The following GFOD1 variants were observed in gnomAD, a reference collection of about 807,000 sequenced individuals.
The protein encoded by GFOD1 is glucose-fructose oxidoreductase domain-containing protein 1.
GFOD1 carries 9 observed loss-of-function variants against 25.4 expected under a neutral mutation model. That is an observed-to-expected ratio of 0.35 (90% CI 0.21 to 0.62). The LOEUF is 0.62. GFOD1 is among the 20% of genes least tolerant of loss of function. The probability of loss-of-function intolerance (pLI) is 0.72; values close to 1 mark genes in which losing one functional copy is unlikely to be tolerated. For missense variants in GFOD1, 403 were observed against 556.9 expected, an observed-to-expected ratio of 0.72 and a Z score of 2.78; for synonymous variants, 253 against 245.6, an observed-to-expected ratio of 1.03 and a Z score of -0.28.
intron 1 of GFOD1, among the ~76,000 whole-genome samples, chr6:13,396,548 C>A: frequency 6.6e-6 from 1 of 152,212 alleles, no homozygotes; most frequent in Non-Finnish European, 1.5e-5. Flanking sequence ...TGAATGTTTT[C>A]TTATAGAATG....
intron 1 of GFOD1, among the ~76,000 whole-genome samples, chr6:13,457,457 C>T (rs1489950716): frequency 6.6e-6 from 1 of 152,152 alleles, no homozygotes; most frequent in African/African-American, 2.4e-5. Flanking sequence ...TCCCTCTTAC[C>T]CCCAACCCAG....
At chr6:13,388,762 T>C (rs1785526803) in intron 1 of GFOD1, among the ~76,000 whole-genome samples, 1 of 151,948 alleles carries the variant, frequency 6.6e-6, no homozygotes, top group Non-Finnish European at 1.5e-5. Flanking sequence ...CATTGACAAA[T>C]GGGATCTAAT....
At chr6:13,461,215 C>A (rs1305926247) in intron 1 of GFOD1, among the ~76,000 whole-genome samples, 1 of 152,332 alleles carries the variant, frequency 6.6e-6, no homozygotes, top group East Asian at 1.9e-4. Context: ...TCCTTCACAG[C>A]CCTTGGTGGG....
chr6:13,476,669 A>C (rs984692437), intron 1 of GFOD1, among the ~76,000 whole-genome samples: 1 of 152,236 alleles, frequency 6.6e-6, no homozygotes, highest in African/African-American at 2.4e-5. Flanking sequence ...ATTGTGGAGT[A>C]ATTTATAGTT....
At chr6:13,383,254 C>T (rs1475339096) in intron 1 of GFOD1, among the ~76,000 whole-genome samples, 1 of 152,164 alleles carries the variant, frequency 6.6e-6, no homozygotes. Flanking sequence ...TTGTATTTTC[C>T]ACAACTACTT....
At position 13,430,623 on chromosome 6, in the gene GFOD1, A is replaced by G; in HGVS notation, c.253+56015T>C. On this transcript the variant is annotated intron_variant, in intron 1 of 1. Transcript: ENST00000379287. This position sits in a 1 kb window ranked among gnomAD's most constrained non-coding sequence, Gnocchi z 4.1. ...CCATAGAGACGGGCAGCTTGTGTAC[A>G]ATGGGGAAGACTTAATGAAAGAAGC... Among the ~76,000 whole-genome samples the G allele has an allele frequency of 6.6e-6, 1 of 152,080 alleles. No homozygotes were observed. The highest frequency in any genetic ancestry group is 2.1e-4 in the South Asian group (1 of 4,818).
rs527689120 is a variant in GFOD1 at position 13,433,631 on chromosome 6, C to G, written c.253+53007G>C. On this transcript the variant is annotated intron_variant, in intron 1 of 1. Transcript: ENST00000379287. ...AAAGGAGGACTTTCATGGAAGAAAG[C>G]CTTGAGGGGAGTTTTCATGTGGGGT... Among the ~76,000 whole-genome samples the G allele has an allele frequency of 1.9e-3, 287 of 152,238 alleles. 1 individual carries two copies. The highest frequency in any genetic ancestry group is 6.5e-3 in the African/African-American group (271 of 41,544).
intron 1 of GFOD1, among the ~76,000 whole-genome samples, chr6:13,458,392 A>C (rs2841567): frequency 0.89 from 134,620 of 152,088 alleles, 61,711 homozygotes; most frequent in Non-Finnish European, 1. Context: ...GCTGGGATTA[A>C]AAGCACAAGC....
At chr6:13,470,201 T>G in intron 1 of GFOD1, 3 of 1,589,372 alleles carry the variant, frequency 1.9e-6, no homozygotes, top group Non-Finnish European at 2.6e-6. Context: ...CGCATCTATC[T>G]GTAATCTTGA....
At chr6:13,383,780 C>T (rs753169820) in intron 1 of GFOD1, among the ~76,000 whole-genome samples, 5 of 152,238 alleles carry the variant, frequency 3.3e-5, no homozygotes, top group Non-Finnish European at 5.9e-5. Flanking sequence ...TCCACTTTGA[C>T]TTGCTTCTTC....
intron 1 of GFOD1, among the ~76,000 whole-genome samples, chr6:13,461,433 C>T (rs991405481): frequency 6.6e-6 from 1 of 152,202 alleles, no homozygotes; most frequent in African/African-American, 2.4e-5. Flanking sequence ...CTGGGGCTCC[C>T]AAGTCAACTA....
chr6:13,376,434 G>A lies in GFOD1; in HGVS notation c.254-10772C>T, dbSNP rs149785974. Among the ~76,000 whole-genome samples, 118 of 152,192 alleles carry A rather than the reference G, an allele frequency of 7.8e-4. 2 individuals carry two copies. The East Asian group carries it at 0.021, about 27-fold the overall frequency. ...TCTTGAGCCTACACCACCACTCCAC[G>A]CTTGGACAAGCCAGGATTCACAGTG... On this transcript the variant is annotated intron_variant, in intron 1 of 1. Coordinates refer to ENST00000379287, the MANE Select transcript of GFOD1 (RefSeq NM_018988.4).
At chr6:13,390,897 G>C (rs1243593281) in intron 1 of GFOD1, among the ~76,000 whole-genome samples, 1 of 152,176 alleles carries the variant, frequency 6.6e-6, no homozygotes, top group East Asian at 1.9e-4. Context: ...AAGCTACTTA[G>C]CACAGTGCCT....
chr6:13,408,854 G>A (rs1785994174), intron 1 of GFOD1, among the ~76,000 whole-genome samples: 1 of 151,946 alleles, frequency 6.6e-6, no homozygotes, highest in Non-Finnish European at 1.5e-5. Flanking sequence ...GGAGGTGGAG[G>A]TGGGTGGATC....
intron 1 of GFOD1, among the ~76,000 whole-genome samples, chr6:13,460,920 C>T (rs140437783): frequency 6.6e-6 from 1 of 152,264 alleles, no homozygotes; most frequent in African/African-American, 2.4e-5. Context: ...ACAGAGTTTG[C>T]CAATTTTTGC....
chr6:13,486,257 C>A lies in GFOD1; in HGVS notation c.253+381G>T, dbSNP rs28392827. ...TCCTCCACCCCCCCATCCCCCCCCC[C>A]CACACACACACACTTGGACACTACA... On this transcript the variant is annotated intron_variant, in intron 1 of 1. Coordinates refer to ENST00000379287, the MANE Select transcript of GFOD1 (RefSeq NM_018988.4). 4.9e-3 allele frequency: 1,349 copies of A among 277,448 alleles called. 39 individuals carry two copies. The highest frequency in any genetic ancestry group is 0.023 in the African/African-American group (777 of 34,318). 17.2% of individuals were successfully genotyped at this position (277,448 alleles called of 1,614,324 possible).
intron 1 of GFOD1, among the ~76,000 whole-genome samples, chr6:13,459,202 A>C (rs1213295396): frequency 6.6e-6 from 1 of 152,112 alleles, no homozygotes; most frequent in African/African-American, 2.4e-5. Context: ...AAATAAGACC[A>C]CACATTTCCA....
At chr6:13,393,091 C>T (rs1481541956) in intron 1 of GFOD1, among the ~76,000 whole-genome samples, 1 of 151,722 alleles carries the variant, frequency 6.6e-6, no homozygotes, top group African/African-American at 2.4e-5. Context: ...TGTGGTGGCT[C>T]ATGTCTGTAA....
chr6:13,404,663 A>G (rs114627066), intron 1 of GFOD1, among the ~76,000 whole-genome samples: 17 of 152,358 alleles, frequency 1.1e-4, no homozygotes, highest in African/African-American at 4.1e-4. Context: ...TCTTAGCAAA[A>G]GAACATGTGA....
Sources: gnomAD v4.1 joint callset for allele counts (sites outside exome capture counted in the v4.1 genomes callset) on GRCh38, gnomAD v4.1.1 for gene constraint, Gnocchi (gnomAD v3.1) non-coding constraint, MANE v1.5 for transcripts, NCBI Gene and HGNC (gene_info 2026-07-23, HGNC 2026-07-21) for gene names.